ROCK1: variants seen among roughly 807,000 people sequenced by gnomAD.
ROCK1 encodes the protein rho-associated protein kinase 1.
In ROCK1, 36 loss-of-function variants were observed where a neutral mutation model predicts 196.8. The observed-to-expected ratio is 0.18, with a 90% confidence interval of 0.14 to 0.24. The LOEUF (loss-of-function observed/expected upper bound fraction) is 0.24, where lower values mean the gene tolerates loss of function less well. Among genes scored for constraint, ROCK1 ranks in the 10% least tolerant of loss-of-function variants. The pLI is 1.00. For synonymous variants in ROCK1, 443 were observed against 515.9 expected, an observed-to-expected ratio of 0.86 and a Z score of 1.91; for missense variants, 920 against 1,562.0, an observed-to-expected ratio of 0.59 and a Z score of 6.93.
At chr18:21,104,222 A>C (rs542399940) in intron 1 of ROCK1, among the ~76,000 whole-genome samples, 2 of 152,356 alleles carry the variant, frequency 1.3e-5, no homozygotes, top group East Asian at 3.9e-4. Context: ...ACTGGTGTAA[A>C]GTTATGCAAA....
Position 20,992,935 on chromosome 18 carries a change from G to A in ROCK1, c.1888C>T (p.Arg630Ter). ...DSEMIGDLQA[R>*]ITSLQEEVKH... ...ACCTCCTCTTGTAAAGATGTAATTC[G>A]AGCTATCAAGTGAGAAAAAAGTTCA... is the stretch of plus-strand genomic sequence containing the variant. The change falls in exon 17 of 33, where the codon CGA becomes TGA. Residue 630 changes from arginine to a stop codon, truncating the protein, a stop_gained and splice_region_variant. Coordinates refer to ENST00000399799, the MANE Select transcript of ROCK1 (RefSeq NM_005406.3). LOFTEE classifies it high-confidence loss of function. The A allele has an allele frequency of 6.3e-7, 1 of 1,598,814 alleles. No homozygotes were observed. The highest frequency in any genetic ancestry group is 8.6e-7 in the Non-Finnish European group (1 of 1,167,544).
intron 22 of ROCK1, among the ~76,000 whole-genome samples, chr18:20,974,736 T>C (rs2035463869): frequency 6.6e-6 from 1 of 152,212 alleles, no homozygotes; most frequent in South Asian, 2.1e-4. Context: ...AATGGCTTTG[T>C]TCTTGTTTAC....
At chr18:20,960,343 T>C in intron 27 of ROCK1, 137 bp from the exon 28 acceptor site, 1 of 588,614 alleles carries the variant, frequency 1.7e-6, no homozygotes, top group Admixed American at 3.0e-5. Flanking sequence ...TGCTCTTCCA[T>C]GCTTCAATCA....
chr18:20,970,446 G>A lies in ROCK1; in HGVS notation c.2722C>T (p.Leu908Phe), dbSNP rs146103906. 5 of 1,613,742 alleles carry A rather than the reference G, an allele frequency of 3.1e-6. No individual in the cohort carries two copies. In the African/African-American group the frequency reaches 5.3e-5, roughly 17 times the overall value. Residue 908 changes from leucine to phenylalanine, a missense_variant, in exon 23 of 33, where the codon CTT becomes TTT. Leu to Phe is a conservative substitution (Grantham distance 22). Coordinates refer to ENST00000399799, the MANE Select transcript of ROCK1 (RefSeq NM_005406.3). The part of the protein sequence containing the change: ...KAESEQLARG[L>F]LEEQYFELTQ... Reference sequence around the variant, plus strand: ...AATTCAAAATACTGTTCTTCCAGAAGGCCTCGCGCCAACTGCTCAGACTCA... The same window carrying A: ...AATTCAAAATACTGTTCTTCCAGAAAGCCTCGCGCCAACTGCTCAGACTCA...
At chr18:21,031,604 C>CAAAAAAAAAAA (rs781463990) in intron 9 of ROCK1, among the ~76,000 whole-genome samples, 49 of 51,850 alleles carry the variant, frequency 9.5e-4, no homozygotes, top group Non-Finnish European at 1.4e-3. Context: ...GACTCCATCT[C>CAAAAAAAAAAA]AAAAAAAAAA....
intron 17 of ROCK1, 107 bp from the exon 18 acceptor site, chr18:20,991,433 A>G: frequency 1.3e-6 from 1 of 748,918 alleles, no homozygotes. Flanking sequence ...TATTTTAAAA[A>G]TCACAATAAA....
chr18:21,043,258 G>A (rs2036123331), intron 6 of ROCK1, among the ~76,000 whole-genome samples: 1 of 152,052 alleles, frequency 6.6e-6, no homozygotes, highest in African/African-American at 2.4e-5. Context: ...ACAAACTGGG[G>A]AAGCATATGT....
intron 31 of ROCK1, 91 bp downstream of exon 31, chr18:20,954,692 A>G: frequency 1.0e-5 from 13 of 1,284,294 alleles, no homozygotes; most frequent in Non-Finnish European, 1.2e-5. Flanking sequence ...TCTCTTTTCA[A>G]CTTGGTATAG....
intron 1 of ROCK1, among the ~76,000 whole-genome samples, chr18:21,084,162 AC>A (rs2036506121): frequency 6.6e-6 from 1 of 152,156 alleles, no homozygotes; most frequent in African/African-American, 2.4e-5. Flanking sequence ...AAAAGCTAGA[AC>A]TATAAAATGC....
At chr18:21,023,946 C>A (rs1372777324) in intron 10 of ROCK1, among the ~76,000 whole-genome samples, 1 of 152,040 alleles carries the variant, frequency 6.6e-6, no homozygotes, top group African/African-American at 2.4e-5. Context: ...AATATTCATA[C>A]CAAGTAGGAT....
At chr18:21,060,068 G>A (rs890689678) in intron 2 of ROCK1, among the ~76,000 whole-genome samples, 1 of 152,176 alleles carries the variant, frequency 6.6e-6, no homozygotes, top group Non-Finnish European at 1.5e-5. Context: ...TAATGGGTAT[G>A]AGGTTACCTT....
At chr18:21,104,262 T>G (rs959625585) in intron 1 of ROCK1, among the ~76,000 whole-genome samples, 7 of 152,218 alleles carry the variant, frequency 4.6e-5, no homozygotes, top group African/African-American at 1.7e-4. Context: ...ATTTACTCTT[T>G]ATTCAACATA....
chr18:20,965,628 T>TG (rs2035367447), intron 27 of ROCK1, among the ~76,000 whole-genome samples: 1 of 152,180 alleles, frequency 6.6e-6, no homozygotes, highest in Admixed American at 6.5e-5. Flanking sequence ...TAAGTCTAAC[T>TG]TTAGAAAGAT....
chr18:20,969,058 T>C (rs1436750120), intron 24 of ROCK1, 57 bp downstream of exon 24: 1 of 1,168,498 alleles, frequency 8.6e-7, no homozygotes, highest in Non-Finnish European at 1.3e-6. Flanking sequence ...ACAACATAGG[T>C]AAAGATAAAT....
chr18:21,037,934 A>G (rs1354352229), intron 9 of ROCK1, among the ~76,000 whole-genome samples: 3 of 152,176 alleles, frequency 2.0e-5, no homozygotes, highest in Non-Finnish European at 2.9e-5. Flanking sequence ...TTCAATACAT[A>G]AAAGGAAAAA....
chr18:21,044,116 T>C lies in ROCK1; in HGVS notation c.661A>G (p.Met221Val), dbSNP rs2036134943. 1 of 1,605,798 alleles carries C rather than the reference T, an allele frequency of 6.2e-7. No homozygotes were observed. ...AGTTAATTAACCTTATTCATCTTCATACAAGTACCAAAATCTGCTAACTTC... is the reference window on the plus strand; with the variant it reads ...AGTTAATTAACCTTATTCATCTTCACACAAGTACCAAAATCTGCTAACTTC... ...HLKLADFGTC[M>V]KMNKEGMVRC... The change falls in exon 6 of 33, where the codon ATG (methionine) becomes GTG (valine). Residue 221 changes from methionine (M) to valine (V), a missense_variant. Physicochemically the swap from Met to Val is conservative, Grantham distance 21. This residue lies in a region of ROCK1 where 234 missense variants were observed against 460.7 expected (regional missense o/e 0.51). Transcript: ENST00000399799.
At position 20,992,814 on chromosome 18, in the gene ROCK1, T is replaced by C; in HGVS notation, c.1992+17A>G. 1.5e-6 allele frequency: 2 copies of C among 1,359,504 alleles called. No homozygotes were observed. The highest frequency in any genetic ancestry group is 1.4e-5 in the African/African-American group (1 of 69,764). 84.2% of individuals were successfully genotyped at this position (1,359,504 alleles called of 1,614,324 possible). On this transcript the variant is annotated intron_variant, in intron 17 of 32. Coordinates refer to ENST00000399799, the MANE Select transcript of ROCK1 (RefSeq NM_005406.3). ...AATTACTATTTTATAATAATTGGTA[T>C]ATGTTAAATCATTTACCTTTTCTGA...
intron 2 of ROCK1, among the ~76,000 whole-genome samples, chr18:21,052,532 C>A (rs1014100593): frequency 1.4e-4 from 22 of 152,150 alleles, no homozygotes; most frequent in Admixed American, 8.5e-4. Flanking sequence ...GGATTCCCAA[C>A]CCCTGAGCCG....
intron 1 of ROCK1, among the ~76,000 whole-genome samples, chr18:21,110,362 T>TA (rs1372937427): frequency 1.3e-5 from 2 of 152,184 alleles, no homozygotes; most frequent in Non-Finnish European, 2.9e-5. Context: ...AATTCTCCGT[T>TA]ATCATTTTCA....
Sources: allele counts gnomAD v4.1 joint callset (sites outside exome capture counted in the v4.1 genomes callset), GRCh38; gene constraint gnomAD v4.1.1; regional missense constraint gnomAD v4.1.1; transcripts MANE v1.5; gene names NCBI Gene and HGNC (gene_info 2026-07-23, HGNC 2026-07-21).